CLYBL: variants seen among roughly 807,000 people sequenced by gnomAD.
The protein encoded by CLYBL is citramalyl-CoA lyase, mitochondrial.
A neutral mutation model predicts 38.9 loss-of-function variants in CLYBL; 31 were observed. That is an observed-to-expected ratio of 0.80 (90% CI 0.60 to 1.08). CLYBL has a LOEUF of 1.08. CLYBL is among the 50% of genes least tolerant of loss of function. The pLI, the probability that CLYBL is intolerant of heterozygous loss-of-function variation, is 0.00. For synonymous variants in CLYBL, 171 were observed against 158.6 expected (o/e 1.08, Z -0.59); for missense variants, 434 against 411.6 (o/e 1.05, Z -0.47).
intron 1 of CLYBL, among the ~76,000 whole-genome samples, chr13:99,723,003 T>A (rs1307328259): frequency 6.6e-6 from 1 of 152,228 alleles, no homozygotes; most frequent in Non-Finnish European, 1.5e-5. Flanking sequence ...CAGAGGCTGG[T>A]TATTGATGCC....
At chr13:99,853,126 C>T (rs1288396624) in intron 2 of CLYBL, among the ~76,000 whole-genome samples, 2 of 149,856 alleles carry the variant, frequency 1.3e-5, no homozygotes, top group Non-Finnish European at 3.0e-5. Context: ...GTTCTAACAT[C>T]TTTAAAAAAT....
chr13:99,766,792 G>A (rs1027286347), intron 1 of CLYBL, among the ~76,000 whole-genome samples: 3 of 152,170 alleles, frequency 2.0e-5, no homozygotes, highest in African/African-American at 7.2e-5. Context: ...GAATGGGGGA[G>A]GTCCCCAGGG....
intron 1 of CLYBL, among the ~76,000 whole-genome samples, chr13:99,695,358 G>C (rs888250520): frequency 6.6e-6 from 1 of 152,100 alleles, no homozygotes; most frequent in Admixed American, 6.6e-5. Flanking sequence ...AGTTTTATGT[G>C]ACACAGGAGG....
At chr13:99,768,638 A>G (rs2049322022) in intron 1 of CLYBL, among the ~76,000 whole-genome samples, 1 of 151,336 alleles carries the variant, frequency 6.6e-6, no homozygotes, top group Non-Finnish European at 1.5e-5. Flanking sequence ...CAGCCACCCA[A>G]GTAGCTGGGA....
intron 2 of CLYBL, among the ~76,000 whole-genome samples, chr13:99,801,917 G>A (rs1207032440): frequency 1.3e-5 from 2 of 152,190 alleles, no homozygotes; most frequent in Admixed American, 6.5e-5. Flanking sequence ...TCGGGAGACC[G>A]AGGCAGGAGA....
At chr13:99,731,727 GGA>G (rs2048595098) in intron 1 of CLYBL, among the ~76,000 whole-genome samples, 1 of 152,196 alleles carries the variant, frequency 6.6e-6, no homozygotes, top group South Asian at 2.1e-4. Flanking sequence ...GTGGACCCCT[GGA>G]TGGGGAGGGA....
chr13:99,794,436 A>C lies in CLYBL; in HGVS notation c.249+21426A>C, dbSNP rs529633010. ...ACTCCATCTCAAGAAAAAAGATTCA[A>C]GTGTATATAACCACTGCCAAAATAA... On this transcript the variant is annotated intron_variant, in intron 2 of 8. Transcript: ENST00000339105. 1.2e-4 allele frequency among the ~76,000 whole-genome samples: 18 copies of C among 152,278 alleles called. No individual in the cohort carries two copies. The South Asian group carries it at 3.7e-3, about 32-fold the overall frequency.
intron 2 of CLYBL, among the ~76,000 whole-genome samples, chr13:99,788,108 A>G (rs9557307): frequency 0.39 from 58,742 of 151,500 alleles, 11,410 homozygotes; most frequent in Middle Eastern, 0.49. Flanking sequence ...GGCTGAGACG[A>G]TGGAGTTTTC....
At chr13:99,639,888 C>T (rs1480796510) in intron 1 of CLYBL, among the ~76,000 whole-genome samples, 1 of 152,096 alleles carries the variant, frequency 6.6e-6, no homozygotes, top group Admixed American at 6.6e-5. Context: ...CATAGCAAGA[C>T]ATTATCTTAA....
At position 99,606,717 on chromosome 13, in the gene CLYBL, AGGGCGGCGCGCGGAGCTGCGGC is replaced by A; in HGVS notation, c.25_46del (p.Ala9ArgfsTer4). The A allele has an allele frequency of 3.3e-6, 5 of 1,492,848 alleles. No homozygotes were observed. Among genetic ancestry groups the A allele is most frequent in the East Asian group, 2.9e-5 (1 of 34,932 alleles). 92.5% of individuals were successfully genotyped at this position (1,492,848 alleles called of 1,614,324 possible). ...GAAGATGGCGCTACGTCTGCTGCGG[AGGGCGGCGCGCGGAGCTGCGGC>A]GGCGGCGCTGCTGAGGCTGTGAGTG... is the stretch of plus-strand genomic sequence containing the variant. On this transcript the variant is annotated frameshift_variant, in exon 1 of 9. Transcript: ENST00000339105. LOFTEE classifies it high-confidence loss of function.
At chr13:99,839,815 C>G (rs1337550998) in intron 2 of CLYBL, among the ~76,000 whole-genome samples, 2 of 152,058 alleles carry the variant, frequency 1.3e-5, no homozygotes, top group Non-Finnish European at 2.9e-5. Flanking sequence ...AGCCTTTATC[C>G]TTTGTATTAC....
intron 7 of CLYBL, among the ~76,000 whole-genome samples, chr13:99,878,031 C>T (rs987050711): frequency 3.3e-5 from 5 of 152,064 alleles, no homozygotes; most frequent in African/African-American, 1.2e-4. Context: ...TTCTCTCTAC[C>T]GTAGCACGCA....
At chr13:99,654,632 A>G (rs569482297) in intron 1 of CLYBL, among the ~76,000 whole-genome samples, 1 of 152,380 alleles carries the variant, frequency 6.6e-6, no homozygotes, top group East Asian at 1.9e-4. Flanking sequence ...GGCAGAGCAC[A>G]TAGCCTCCAA....
At chr13:99,829,113 C>A (rs59656735) in intron 2 of CLYBL, among the ~76,000 whole-genome samples, 8,209 of 152,238 alleles carry the variant, frequency 0.054, 511 homozygotes, top group African/African-American at 0.14. Context: ...AAACTCGAAT[C>A]CCCTTTCCTT....
chr13:99,611,641 A>G (rs7335906), intron 1 of CLYBL, among the ~76,000 whole-genome samples: 8,675 of 152,324 alleles, frequency 0.057, 873 homozygotes, highest in African/African-American at 0.2. Flanking sequence ...TGATGGTCAC[A>G]TAGGATGTGT....
intron 1 of CLYBL, among the ~76,000 whole-genome samples, chr13:99,733,748 G>A (rs899874435): frequency 2.0e-5 from 3 of 152,220 alleles, no homozygotes; most frequent in African/African-American, 7.2e-5. Flanking sequence ...ATGCTAAACT[G>A]GAGTTTAATT....
At chr13:99,906,344 C>T (rs749318806) in intron 9 of CLYBL, among the ~76,000 whole-genome samples, 1 of 151,970 alleles carries the variant, frequency 6.6e-6, no homozygotes, top group Non-Finnish European at 1.5e-5. Context: ...TGTTGTTTTA[C>T]ATAAGAATAA....
intron 1 of CLYBL, among the ~76,000 whole-genome samples, chr13:99,677,390 T>C (rs7984263): frequency 0.068 from 10,340 of 152,026 alleles, 1,184 homozygotes; most frequent in African/African-American, 0.24. Context: ...CTGGGGAGCA[T>C]CAATTAAAAA....
intron 1 of CLYBL, among the ~76,000 whole-genome samples, chr13:99,680,396 C>T (rs750604743): frequency 3.3e-4 from 50 of 152,316 alleles, no homozygotes; most frequent in Non-Finnish European, 3.1e-4. Context: ...AGATGGCATT[C>T]ATAAGGTTAG....
Sources: gnomAD v4.1 joint callset for allele counts (sites outside exome capture counted in the v4.1 genomes callset) on GRCh38, gnomAD v4.1.1 for gene constraint, MANE v1.5 for transcripts, NCBI Gene and HGNC (gene_info 2026-07-23, HGNC 2026-07-21) for gene names.